The following CCDC92B variants were observed in gnomAD, a reference collection of about 807,000 sequenced individuals.
The protein encoded by CCDC92B is coiled-coil domain containing 92B.
A neutral mutation model predicts 5.6 loss-of-function variants in CCDC92B; 2 were observed. That is an observed-to-expected ratio of 0.36 (90% CI 0.15 to 1.12). CCDC92B has a LOEUF of 1.12. Among genes scored for constraint, CCDC92B ranks in the 50% most tolerant of loss-of-function variants. The probability of loss-of-function intolerance (pLI) is 0.40; values close to 1 mark genes in which losing one functional copy is unlikely to be tolerated. For missense variants in CCDC92B, 271 were observed against 262.2 expected (o/e 1.03, Z -0.23); for synonymous variants, 115 against 122.3 (o/e 0.94, Z 0.39).
intron 3 of CCDC92B, among the ~76,000 whole-genome samples, chr17:2,726,338 T>C (rs1327930680): frequency 2.4e-5 from 3 of 127,248 alleles, no homozygotes; most frequent in Non-Finnish European, 3.6e-5. Context: ...CCACCATGCC[T>C]GGCTTATTTT....
At chr17:2,748,888 C>A (rs560710543) in intron 1 of CCDC92B, among the ~76,000 whole-genome samples, 1 of 152,114 alleles carries the variant, frequency 6.6e-6, no homozygotes, top group African/African-American at 2.4e-5. Flanking sequence ...CTCCGGAGCC[C>A]CTCCCCGCCG....
chr17:2,732,554 T>TA (rs1358294161), intron 2 of CCDC92B, among the ~76,000 whole-genome samples: 1 of 151,748 alleles, frequency 6.6e-6, no homozygotes, highest in African/African-American at 2.4e-5. Flanking sequence ...CCATCTCTAC[T>TA]AAAAATACAA....
intron 1 of CCDC92B, among the ~76,000 whole-genome samples, chr17:2,739,745 CT>C (rs1255764036): frequency 6.6e-6 from 1 of 152,052 alleles, no homozygotes; most frequent in Non-Finnish European, 1.5e-5. Context: ...ATGTAAAGTG[CT>C]TAGCACAGGA....
chr17:2,728,282 C>T (rs2070755675), intron 3 of CCDC92B, among the ~76,000 whole-genome samples: 2 of 147,216 alleles, frequency 1.4e-5, no homozygotes, highest in South Asian at 2.1e-4. Context: ...GGTGCCATGG[C>T]ACTCCAGCCT....
rs1287072328 is a variant in CCDC92B at position 2,724,496 on chromosome 17, C to G, written c.683G>C (p.Arg228Pro). The change falls in exon 4 of 4, where the codon CGC (arginine) becomes CCC (proline). Residue 228 changes from arginine (R) to proline (P), a missense_variant. Coordinates refer to ENST00000614400, the MANE Select transcript of CCDC92B (RefSeq NM_001355573.2). This position sits in a 1 kb window ranked among gnomAD's most constrained non-coding sequence, Gnocchi z 5.0. Reference sequence around the variant, plus strand: ...CGGGGGCTCCTGGGGAGGCGGCTGGCGCGGGCTGCGGGCGCTGGGCCGCAG... The same window carrying G: ...CGGGGGCTCCTGGGGAGGCGGCTGGGGCGGGCTGCGGGCGCTGGGCCGCAG... ...RPLRPSARSPRQPPPQEPPDR... is the reference protein window; with the variant it reads ...RPLRPSARSPPQPPPQEPPDR... 1 of 980,968 alleles carries G rather than the reference C, an allele frequency of 1.0e-6. No individual in the cohort carries two copies. Among genetic ancestry groups the G allele is most frequent in the African/African-American group, 1.8e-5 (1 of 56,818 alleles). 60.8% of individuals were successfully genotyped at this position (980,968 alleles called of 1,614,324 possible).
intron 1 of CCDC92B, among the ~76,000 whole-genome samples, chr17:2,739,973 C>G (rs1404300660): frequency 6.6e-6 from 1 of 151,980 alleles, no homozygotes; most frequent in African/African-American, 2.4e-5. Flanking sequence ...GAGAATCAAA[C>G]ACATAATGTG....
At position 2,746,060 on chromosome 17, in the gene CCDC92B, C is replaced by T. The variant is rs1255370590; in HGVS notation, c.-24+3351G>A. Among the ~76,000 whole-genome samples, 9 of 152,130 alleles carry T rather than the reference C, an allele frequency of 5.9e-5. No individual in the cohort carries two copies. The East Asian group carries it at 1.7e-3, about 30-fold the overall frequency. On this transcript the variant is annotated intron_variant, in intron 1 of 3. Coordinates refer to ENST00000614400, the MANE Select transcript of CCDC92B (RefSeq NM_001355573.2). ...GCAATGGCACAATCTCGGCTCACTG[C>T]AACCTTCGCCTCCCCGATTCAAGCG...
intron 3 of CCDC92B, among the ~76,000 whole-genome samples, chr17:2,729,450 T>G (rs545140913): frequency 7.4e-6 from 1 of 135,234 alleles, no homozygotes; most frequent in African/African-American, 2.8e-5. Context: ...GCCGAGATCG[T>G]GCCACTGCAC....
chr17:2,735,204 A>G, intron 1 of CCDC92B, 36 bp from the exon 2 acceptor site: 1 of 985,474 alleles, frequency 1.0e-6, no homozygotes, highest in Non-Finnish European at 1.2e-6. Flanking sequence ...ACCTCTTCTG[A>G]GCCCATCTGC....
At chr17:2,730,554 T>TGTGC (rs2070781613) in intron 2 of CCDC92B, 61 bp from the exon 3 acceptor site, 5 of 611,208 alleles carry the variant, frequency 8.2e-6, no homozygotes, top group Admixed American at 7.1e-5. Flanking sequence ...TGTGTGTGTG[T>TGTGC]GTGTGTGTGA....
chr17:2,732,815 C>T (rs1021352120), intron 2 of CCDC92B, among the ~76,000 whole-genome samples: 2 of 151,828 alleles, frequency 1.3e-5, no homozygotes, highest in Non-Finnish European at 2.9e-5. Context: ...AGATCGAGAC[C>T]ATCCTGGCTA....
chr17:2,731,141 G>A (rs2070791374), intron 2 of CCDC92B, among the ~76,000 whole-genome samples: 1 of 152,194 alleles, frequency 6.6e-6, no homozygotes, highest in Admixed American at 6.5e-5. Context: ...TATTGATGGG[G>A]GCCGGGCTTG....
chr17:2,723,668 TCCCAGTCCCTGCATA>T lies in CCDC92B; in HGVS notation c.*728_*742del, dbSNP rs910338141. On this transcript the variant is annotated 3_prime_UTR_variant, in exon 4 of 4. Transcript: ENST00000614400. ...TGTCACCTCCCTTCCCCAGCAGAGC[TCCCAGTCCCTGCATA>T]CCCAGCGGGGTGGCGACTCGGGAAG... 3 of 152,196 alleles carry T rather than the reference TCCCAGTCCCTGCATA, an allele frequency of 2.0e-5. No homozygotes were observed. Among genetic ancestry groups the T allele is most frequent in the African/African-American group, 7.3e-5 (3 of 41,320 alleles). 9.4% of individuals were successfully genotyped at this position (152,196 alleles called of 1,614,324 possible).
At chr17:2,747,790 C>T (rs919315837) in intron 1 of CCDC92B, among the ~76,000 whole-genome samples, 2 of 152,180 alleles carry the variant, frequency 1.3e-5, no homozygotes, top group Non-Finnish European at 2.9e-5. Flanking sequence ...TGGCCTGACT[C>T]AGAGGCCTGG....
chr17:2,748,504 G>T (rs1302744912), intron 1 of CCDC92B: 143 of 922,186 alleles, frequency 1.6e-4, no homozygotes, highest in Non-Finnish European at 1.7e-4. Context: ...TCTTCATCGT[G>T]TTTGTGTGTG....
intron 1 of CCDC92B, among the ~76,000 whole-genome samples, chr17:2,735,605 A>G (rs1245556058): frequency 1.3e-5 from 2 of 151,956 alleles, no homozygotes; most frequent in African/African-American, 4.8e-5. Flanking sequence ...TAATTTTTGT[A>G]TTTTTAGTAG....
chr17:2,749,624 C>T lies in CCDC92B; in HGVS notation c.-237G>A, dbSNP rs2071031783. 1.4e-5 allele frequency: 2 copies of T among 148,098 alleles called. No homozygotes were observed. The highest frequency in any genetic ancestry group is 3.0e-5 in the Non-Finnish European group (2 of 66,874). 9.2% of individuals were successfully genotyped at this position (148,098 alleles called of 1,614,324 possible). A position where few individuals can be genotyped will look rare whatever the true frequency, so the allele number is the denominator to read the frequency against. Reference sequence around the variant, plus strand: ...AGGGGGGTCGGGGGCGGGCTCGAGGCGTAAACACCCAGCAACGTGACCGGA... The same window carrying T: ...AGGGGGGTCGGGGGCGGGCTCGAGGTGTAAACACCCAGCAACGTGACCGGA... On this transcript the variant is annotated 5_prime_UTR_variant, in exon 1 of 4. Coordinates refer to ENST00000614400, the MANE Select transcript of CCDC92B (RefSeq NM_001355573.2).
chr17:2,749,195 G>C lies in CCDC92B; in HGVS notation c.-24+216C>G, dbSNP rs1329261288. ...AGGTGGCGGGGCTCGACCTCGGGCC[G>C]CTCTGGACGCCCGGCAGTGCCAGGC... On this transcript the variant is annotated intron_variant, in intron 1 of 3. Coordinates refer to ENST00000614400, the MANE Select transcript of CCDC92B (RefSeq NM_001355573.2). Among the ~76,000 whole-genome samples, 4 of 152,200 alleles carry C rather than the reference G, an allele frequency of 2.6e-5. No homozygotes were observed. In the South Asian group the frequency reaches 8.3e-4, roughly 32 times the overall value.
intron 3 of CCDC92B, among the ~76,000 whole-genome samples, chr17:2,728,610 A>AC (rs2070762814): frequency 6.6e-6 from 1 of 151,942 alleles, no homozygotes; most frequent in South Asian, 2.1e-4. Context: ...CTCAAAAAAA[A>AC]AAAACAAAAA....
Sources: gnomAD v4.1 joint callset for allele counts (sites outside exome capture counted in the v4.1 genomes callset) on GRCh38, gnomAD v4.1.1 for gene constraint, Gnocchi (gnomAD v3.1) non-coding constraint, MANE v1.5 for transcripts, NCBI Gene and HGNC (gene_info 2026-07-23, HGNC 2026-07-21) for gene names.